Variants in TANC1 observed in about 807,000 individuals in gnomAD.
TANC1 encodes the protein tetratricopeptide repeat, ankyrin repeat and coiled-coil containing 1, also known as protein TANC1.
Under a neutral mutation model 149.7 loss-of-function variants are expected in TANC1, and 77 were observed. The observed-to-expected ratio is 0.51, with a 90% confidence interval of 0.43 to 0.62. TANC1 has a LOEUF of 0.62. Ranked by LOEUF, TANC1 falls within the 20% of genes least tolerant of loss-of-function variation. TANC1 has a pLI of 0.00. For missense variants in TANC1, 1,985 were observed against 2,321.8 expected, an observed-to-expected ratio of 0.85 and a Z score of 2.98; for synonymous variants, 854 against 925.0, an observed-to-expected ratio of 0.92 and a Z score of 1.39.
chr2:159,091,971 T>G (rs264628), intron 3 of TANC1, among the ~76,000 whole-genome samples: 19,370 of 107,230 alleles, frequency 0.18, 1,561 homozygotes, highest in African/African-American at 0.27. Flanking sequence ...TAGGGGGGGG[T>G]GTGTGTGTGT....
chr2:159,194,776 A>G (rs2057729063), intron 17 of TANC1, among the ~76,000 whole-genome samples: 1 of 152,254 alleles, frequency 6.6e-6, no homozygotes, highest in African/African-American at 2.4e-5. Flanking sequence ...AAAGCCTGCA[A>G]GTATCGATCT....
intron 2 of TANC1, chr2:159,004,384 GT>G: frequency 1.5e-6 from 2 of 1,304,284 alleles, no homozygotes; most frequent in South Asian, 1.2e-5. Context: ...TGGTTCCAAA[GT>G]TTTACAGACA....
intron 14 of TANC1, among the ~76,000 whole-genome samples, chr2:159,182,215 AAG>A (rs1491157474): frequency 2.6e-5 from 4 of 151,596 alleles, no homozygotes; most frequent in Non-Finnish European, 2.9e-5. Context: ...CTCAAAAAAA[AAG>A]AAAGAGTTTT....
In TANC1 at chr2:159,178,915, A is replaced by T; in HGVS notation, c.2262A>T (p.Ala754=). 6.2e-7 allele frequency: 1 copy of T among 1,614,172 alleles called. No homozygotes were observed. Among genetic ancestry groups the T allele is most frequent in the Non-Finnish European group, 8.5e-7 (1 of 1,180,030 alleles). The change falls in exon 14 of 27, where the codon GCA becomes GCT. Residue 754 remains alanine, a synonymous_variant. Coordinates refer to ENST00000263635, the MANE Select transcript of TANC1 (RefSeq NM_033394.3). The part of the protein sequence containing the change: ...KFMTQSAFER[A]LPILNVALAS... ...TGACCCAGTCCGCCTTTGAGAGGGC[A>T]CTTCCGATTCTCAACGTGGCCCTCG...
chr2:158,974,379 T>G (rs1318034615), intron 1 of TANC1, among the ~76,000 whole-genome samples: 3 of 152,252 alleles, frequency 2.0e-5, no homozygotes, highest in Non-Finnish European at 4.4e-5. Context: ...AGTCCCTTAT[T>G]AAAAATCATG....
chr2:159,151,569 C>T (rs1380816939), intron 7 of TANC1, among the ~76,000 whole-genome samples: 1 of 152,208 alleles, frequency 6.6e-6, no homozygotes, highest in Non-Finnish European at 1.5e-5. Context: ...GAATGAACGA[C>T]CTTTGAGCTC....
At chr2:159,223,786 A>T (rs544603207) in intron 22 of TANC1, among the ~76,000 whole-genome samples, 1 of 152,314 alleles carries the variant, frequency 6.6e-6, no homozygotes, top group South Asian at 2.1e-4. Context: ...CAAGCTGCCA[A>T]TCTTAACAGT....
rs2036463183 is a variant in TANC1 at position 158,999,777 on chromosome 2, A to G, written c.-125-1303A>G. ...ACATTTCAGAACAGAAAGTAGGTCC[A>G]CTGTACTCATCCTTTTATTTATTCA... On this transcript the variant is annotated intron_variant, in intron 1 of 26. Transcript: ENST00000263635. 3.9e-5 allele frequency among the ~76,000 whole-genome samples: 6 copies of G among 152,226 alleles called. No homozygotes were observed. The South Asian group carries it at 1.2e-3, about 32-fold the overall frequency.
intron 5 of TANC1, 118 bp from the exon 6 acceptor site, chr2:159,149,024 C>T (rs527989466): frequency 1.1e-5 from 13 of 1,209,130 alleles, no homozygotes; most frequent in East Asian, 9.5e-5. Flanking sequence ...CAACTTTGTG[C>T]GCATTTTATA....
At chr2:159,129,453 C>A (rs755783318) in intron 4 of TANC1, among the ~76,000 whole-genome samples, 5 of 152,096 alleles carry the variant, frequency 3.3e-5, no homozygotes, top group Non-Finnish European at 7.3e-5. Flanking sequence ...GAGTGCTGTA[C>A]CTTCTGGGCT....
intron 2 of TANC1, among the ~76,000 whole-genome samples, chr2:159,022,707 C>T (rs1168387509): frequency 6.6e-6 from 1 of 152,170 alleles, no homozygotes; most frequent in African/African-American, 2.4e-5. Context: ...CACTGCACTC[C>T]AGCCTGGGCA....
intron 1 of TANC1, among the ~76,000 whole-genome samples, chr2:158,987,909 A>G (rs1413193712): frequency 6.6e-6 from 1 of 152,158 alleles, no homozygotes; most frequent in Non-Finnish European, 1.5e-5. Flanking sequence ...TTAAGTGCCT[A>G]CTTATTCAGC....
At chr2:159,217,671 G>C in intron 20 of TANC1, 41 bp downstream of exon 20, 1 of 1,608,018 alleles carries the variant, frequency 6.2e-7, no homozygotes, top group Non-Finnish European at 8.5e-7. Flanking sequence ...GCAATGAGTG[G>C]GGATGGAGTT....
chr2:159,088,671 A>T (rs1574577502), intron 3 of TANC1, among the ~76,000 whole-genome samples: 1 of 152,188 alleles, frequency 6.6e-6, no homozygotes, highest in Admixed American at 6.5e-5. Context: ...TTCTTAAAAC[A>T]TTATGAGACT....
intron 8 of TANC1, among the ~76,000 whole-genome samples, chr2:159,167,635 T>C (rs550496098): frequency 6.6e-6 from 1 of 152,300 alleles, no homozygotes; most frequent in Non-Finnish European, 1.5e-5. Flanking sequence ...GTGCATGCTG[T>C]CGTGAAGTCA....
chr2:159,089,240 T>A (rs2045281610), intron 3 of TANC1, among the ~76,000 whole-genome samples: 1 of 152,222 alleles, frequency 6.6e-6, no homozygotes, highest in Admixed American at 6.5e-5. Flanking sequence ...TACTGGAAAT[T>A]CTTTCCTTTT....
chr2:159,189,647 G>GT (rs1294396387), intron 16 of TANC1, among the ~76,000 whole-genome samples: 1 of 152,098 alleles, frequency 6.6e-6, no homozygotes, highest in Non-Finnish European at 1.5e-5. Flanking sequence ...GAAAACTGAG[G>GT]TTTAGGGCAG....
intron 3 of TANC1, among the ~76,000 whole-genome samples, chr2:159,083,237 G>A (rs1344884402): frequency 6.6e-6 from 1 of 152,064 alleles, no homozygotes; most frequent in South Asian, 2.1e-4. Flanking sequence ...TTACAGGCAT[G>A]AGCCACCATA....
chr2:159,174,287 C>T (rs1456151891), intron 11 of TANC1, among the ~76,000 whole-genome samples: 1 of 152,172 alleles, frequency 6.6e-6, no homozygotes, highest in Non-Finnish European at 1.5e-5. Context: ...AGGGACCATT[C>T]CTTTTCCTCT....
Sources: gnomAD v4.1 joint callset for allele counts (sites outside exome capture counted in the v4.1 genomes callset) on GRCh38, gnomAD v4.1.1 for gene constraint, MANE v1.5 for transcripts, NCBI Gene and HGNC (gene_info 2026-07-23, HGNC 2026-07-21) for gene names.